Variants in RAPGEF1 observed in about 807,000 individuals in gnomAD.
RAPGEF1 encodes the protein CRK SH3-binding GNRP.
Under a neutral mutation model 143.3 loss-of-function variants are expected in RAPGEF1, and 33 were observed. The ratio of observed to expected loss-of-function variants is 0.23; its 90% CI spans 0.17 to 0.31. RAPGEF1 has a LOEUF of 0.31. Among genes scored for constraint, RAPGEF1 ranks in the 10% least tolerant of loss-of-function variants. RAPGEF1 has a pLI of 1.00. For missense variants in RAPGEF1, 1,199 were observed against 1,645.4 expected, an observed-to-expected ratio of 0.73 and a Z score of 4.69; for synonymous variants, 629 against 676.5, an observed-to-expected ratio of 0.93 and a Z score of 1.09.
rs771658681 is a variant in RAPGEF1, at chr9:131,628,739, G to C, written c.894-67C>G. The C allele has an allele frequency of 6.6e-7, 1 of 1,521,760 alleles. No homozygotes were observed. Among genetic ancestry groups the C allele is most frequent in the Admixed American group, 2.0e-5 (1 of 49,108 alleles). 94.3% of individuals were successfully genotyped at this position (1,521,760 alleles called of 1,614,324 possible). On this transcript the variant is annotated intron_variant, in intron 7 of 26. Coordinates refer to ENST00000683357, the MANE Select transcript of RAPGEF1 (RefSeq NM_001377935.1). The surrounding 1 kb of genome is among the most constrained non-coding windows in gnomAD (Gnocchi z 5.7). Reference sequence around the variant, plus strand: ...ACCAAAGCTCTTCAGCGTGATATTGGGGTACAGGATGTGGGGTTCTTTCAT... The same window carrying C: ...ACCAAAGCTCTTCAGCGTGATATTGCGGTACAGGATGTGGGGTTCTTTCAT...
chr9:131,637,388 A>G (rs1966655792), intron 5 of RAPGEF1, among the ~76,000 whole-genome samples: 1 of 152,102 alleles, frequency 6.6e-6, no homozygotes, highest in Admixed American at 6.5e-5. Context: ...TGGCAAACAC[A>G]TATTTCATTC....
At position 131,651,798 on chromosome 9, in the gene RAPGEF1, G is replaced by A. The variant is rs1046740289; in HGVS notation, c.62-849C>T. Among the ~76,000 whole-genome samples the A allele has an allele frequency of 2.2e-4, 33 of 152,168 alleles. 1 individual carries two copies. Among genetic ancestry groups the A allele is most frequent in the Admixed American group, 2.1e-3 (32 of 15,284 alleles). ...GAGTAATGCATCATTAGGCAACTTC[G>A]TTGTGCAAATGTCATAGAGTATACT... On this transcript the variant is annotated intron_variant, in intron 1 of 26. Transcript: ENST00000683357.
At chr9:131,719,864 T>C (rs1373638866) in intron 1 of RAPGEF1, among the ~76,000 whole-genome samples, 4 of 150,996 alleles carry the variant, frequency 2.6e-5, no homozygotes, top group African/African-American at 9.7e-5. Flanking sequence ...CACACAGCTA[T>C]ATTTTCTTCT....
At chr9:131,636,888 G>A (rs1010521284) in intron 5 of RAPGEF1, among the ~76,000 whole-genome samples, 1 of 152,180 alleles carries the variant, frequency 6.6e-6, no homozygotes, top group African/African-American at 2.4e-5. Context: ...ACATCCTTGA[G>A]TCTCGCTGCC....
intron 1 of RAPGEF1, among the ~76,000 whole-genome samples, chr9:131,668,004 G>A (rs1830706636): frequency 1.3e-5 from 2 of 152,212 alleles, no homozygotes; most frequent in African/African-American, 4.8e-5. Context: ...ACCATCTTCA[G>A]TGGACAGCTG....
Position 131,643,334 on chromosome 9 carries a change from A to T in RAPGEF1, c.399T>A (p.Ile133=). 1 of 1,613,716 alleles carries T rather than the reference A, an allele frequency of 6.2e-7. No homozygotes were observed. ...YFKTIVDKMA[I]DKKVLEMLPG... ...GAAGCATCTCCAGTACCTTCTTATCAATTGCCATTTTGTCCACAATGGTCT... is the reference window on the plus strand; with the variant it reads ...GAAGCATCTCCAGTACCTTCTTATCTATTGCCATTTTGTCCACAATGGTCT... Residue 133 remains isoleucine (I), a synonymous_variant, in exon 4 of 27, where the codon ATT becomes ATA. Coordinates refer to ENST00000683357, the MANE Select transcript of RAPGEF1 (RefSeq NM_001377935.1).
intron 1 of RAPGEF1, among the ~76,000 whole-genome samples, chr9:131,673,175 A>G (rs1191691925): frequency 3.9e-5 from 6 of 152,244 alleles, no homozygotes; most frequent in Admixed American, 3.9e-4. Context: ...CTGGTCTGAA[A>G]AAGTGCACCC....
intron 1 of RAPGEF1, among the ~76,000 whole-genome samples, chr9:131,688,848 A>C (rs1173929430): frequency 6.6e-6 from 1 of 152,252 alleles, no homozygotes; most frequent in Non-Finnish European, 1.5e-5. Flanking sequence ...CAGTGAGCCA[A>C]GATCGTGCCA....
intron 1 of RAPGEF1, among the ~76,000 whole-genome samples, chr9:131,693,407 C>G (rs904418072): frequency 6.6e-6 from 1 of 152,158 alleles, no homozygotes; most frequent in African/African-American, 2.4e-5. Context: ...TTCCATACCA[C>G]TAAGCCAAAA....
At chr9:131,585,362 A>AG (rs36097571) in intron 22 of RAPGEF1, among the ~76,000 whole-genome samples, 2,062 of 146,294 alleles carry the variant, frequency 0.014, 43 homozygotes, top group African/African-American at 0.051. Context: ...AATTTTTTGT[A>AG]GGGGGGGGGC....
chr9:131,629,223 C>A lies in RAPGEF1; in HGVS notation c.772G>T (p.Val258Leu). 6.2e-7 allele frequency: 1 copy of A among 1,613,968 alleles called. No individual in the cohort carries two copies. The highest frequency in any genetic ancestry group is 8.5e-7 in the Non-Finnish European group (1 of 1,179,862). The change falls in exon 7 of 27, where the codon GTA (valine) becomes TTA (leucine). Residue 258 changes from valine to leucine, a missense_variant. Physicochemically the swap from Val to Leu is conservative, Grantham distance 32. Around this residue, in one of 6 missense-constraint regions of RAPGEF1, gnomAD observed 613 missense variants for 710.9 expected, o/e 0.86. Transcript: ENST00000683357. ...PAELPLTDRE[V>L]EILNKTTGMS... ...CCAGTCGTCTTGTTTAGGATCTCTA[C>A]CTCGCGGTCTGTCAGGGGGAGCTCT...
intron 1 of RAPGEF1, among the ~76,000 whole-genome samples, chr9:131,711,002 A>G (rs1835465108): frequency 6.6e-6 from 1 of 152,134 alleles, no homozygotes; most frequent in South Asian, 2.1e-4. Context: ...ACATTTGTGA[A>G]GTACGTAGCA....
At chr9:131,631,071 C>T (rs1041368317) in intron 5 of RAPGEF1, among the ~76,000 whole-genome samples, 1 of 152,002 alleles carries the variant, frequency 6.6e-6, no homozygotes, top group African/African-American at 2.4e-5. Flanking sequence ...CCAATCTGCC[C>T]CGCCCCAACT....
chr9:131,739,626 C>T, intron 1 of RAPGEF1, 144 bp downstream of exon 1: 2 of 507,240 alleles, frequency 3.9e-6, no homozygotes, highest in Non-Finnish European at 5.1e-6. Flanking sequence ...AGCTGCCAGG[C>T]GCCCCGGCGA....
intron 1 of RAPGEF1, chr9:131,709,720 A>G (rs757381041): frequency 3.8e-5 from 62 of 1,613,464 alleles, no homozygotes; most frequent in Non-Finnish European, 4.3e-5. Context: ...TCCCAGCCCC[A>G]GCGTCTTTCC....
In RAPGEF1 at chr9:131,605,198, C is replaced by A; in HGVS notation, c.2062-10G>T. ...TAAACACAGACTTATACTACAGAAT[C>A]CAGGTGGAGAACAAACAAAAACGAG... On this transcript the variant is annotated splice_polypyrimidine_tract_variant and intron_variant, in intron 12 of 26. Coordinates refer to ENST00000683357, the MANE Select transcript of RAPGEF1 (RefSeq NM_001377935.1). 7.7e-7 allele frequency: 1 copy of A among 1,305,438 alleles called. No homozygotes were observed. 80.9% of individuals were successfully genotyped at this position (1,305,438 alleles called of 1,614,324 possible).
chr9:131,660,310 G>A (rs1564644348), intron 1 of RAPGEF1, among the ~76,000 whole-genome samples: 2 of 152,218 alleles, frequency 1.3e-5, no homozygotes, highest in Middle Eastern at 3.4e-3. Context: ...CACTGCTAAT[G>A]GGAATATTAA....
rs183147622 is a variant in RAPGEF1 at position 131,695,370 on chromosome 9, T to C, written c.61+44400A>G. On this transcript the variant is annotated intron_variant, in intron 1 of 26. Coordinates refer to ENST00000683357, the MANE Select transcript of RAPGEF1 (RefSeq NM_001377935.1). ...TGTCTTCCCAAAGCAGGCCACACGA[T>C]AGAGGTCAATGGTAGCTACCCATGG... is the stretch of plus-strand genomic sequence containing the variant. Among the ~76,000 whole-genome samples, 1,437 of 152,270 alleles carry C rather than the reference T, an allele frequency of 9.4e-3. 24 individuals are homozygous for C. The highest frequency in any genetic ancestry group is 0.012 in the Non-Finnish European group (806 of 68,006).
At chr9:131,737,731 G>A (rs957769221) in intron 1 of RAPGEF1, among the ~76,000 whole-genome samples, 2 of 152,102 alleles carry the variant, frequency 1.3e-5, no homozygotes, top group Non-Finnish European at 2.9e-5. Context: ...TTGGGAGGCC[G>A]AGGTGGGCGG....
Sources: allele counts gnomAD v4.1 joint callset (sites outside exome capture counted in the v4.1 genomes callset), GRCh38; gene constraint gnomAD v4.1.1; regional missense constraint gnomAD v4.1.1; non-coding constraint Gnocchi (gnomAD v3.1); transcripts MANE v1.5; gene names NCBI Gene and HGNC (gene_info 2026-07-23, HGNC 2026-07-21).